Variants in POLI observed in about 807,000 individuals in gnomAD.
The protein encoded by POLI is DNA polymerase iota, also known as RAD30 homolog B.
POLI carries 58 observed loss-of-function variants against 51.6 expected under a neutral mutation model. That is an observed-to-expected ratio of 1.12 (90% CI 0.91 to 1.40). The LOEUF (loss-of-function observed/expected upper bound fraction) is 1.40, where lower values mean the gene tolerates loss of function less well. POLI is among the 40% of genes most tolerant of loss of function. The probability of loss-of-function intolerance (pLI) is 0.00; values close to 1 mark genes in which losing one functional copy is unlikely to be tolerated. For synonymous variants in POLI, 322 were observed against 299.7 expected, an observed-to-expected ratio of 1.07 and a Z score of -0.77; for missense variants, 921 against 871.3, an observed-to-expected ratio of 1.06 and a Z score of -0.72.
At chr18:54,306,351 G>C (rs2088585437) in intron 3 of POLI, among the ~76,000 whole-genome samples, 1 of 152,126 alleles carries the variant, frequency 6.6e-6, no homozygotes, top group Non-Finnish European at 1.5e-5. Flanking sequence ...TTTTGTCATT[G>C]GTTCTGTTTA....
At chr18:54,289,003 T>G (rs2144565490) in intron 8 of POLI, among the ~76,000 whole-genome samples, 1 of 152,282 alleles carries the variant, frequency 6.6e-6, no homozygotes, top group East Asian at 1.9e-4. Context: ...TCCTGTTTCT[T>G]TGCATGTTTT....
chr18:54,292,534 A>G (rs920610139), intron 9 of POLI, among the ~76,000 whole-genome samples: 4 of 152,142 alleles, frequency 2.6e-5, no homozygotes, highest in Non-Finnish European at 4.4e-5. Context: ...CAGTGTGGCA[A>G]TAGAAAGGCA....
chr18:54,290,564 G>A (rs573315905), intron 8 of POLI, among the ~76,000 whole-genome samples: 9 of 152,252 alleles, frequency 5.9e-5, no homozygotes, highest in South Asian at 2.1e-4. Flanking sequence ...CAATAGCAAA[G>A]ACTTGGAACC....
chr18:54,276,752 G>A (rs1033045192), intron 3 of POLI, among the ~76,000 whole-genome samples: 1 of 152,070 alleles, frequency 6.6e-6, no homozygotes, highest in Non-Finnish European at 1.5e-5. Context: ...ACCTTTATTG[G>A]TTTCCCCTCA....
In POLI at chr18:54,294,157, C is replaced by G. The variant is rs1331873030; in HGVS notation, c.1913C>G (p.Pro638Arg). The G allele has an allele frequency of 6.2e-7, 1 of 1,611,752 alleles. No homozygotes were observed. The highest frequency in any genetic ancestry group is 8.5e-7 in the Non-Finnish European group (1 of 1,178,136). Residue 638 changes from proline (P) to arginine (R), a missense_variant, in exon 10 of 10, where the codon CCT becomes CGT. Transcript: ENST00000579534. ...AAAGATGAACGAATAAGTCAAGGACCTAAAGAACCTCAAGGATTCCACTTT... is the reference window on the plus strand; with the variant it reads ...AAAGATGAACGAATAAGTCAAGGACGTAAAGAACCTCAAGGATTCCACTTT... ...RLKDERISQG[P>R]KEPQGFHFTN...
chr18:54,298,703 G>A (rs1023504966), downstream of POLI, among the ~76,000 whole-genome samples: 4 of 146,716 alleles, frequency 2.7e-5, no homozygotes, highest in Admixed American at 7.2e-5. Context: ...TGATTCTCCT[G>A]CCTCAGCCTC....
Position 54,296,233 on chromosome 18 carries a change from A to G in POLI, c.*1766A>G. On this transcript the variant is annotated 3_prime_UTR_variant, in exon 10 of 10. Coordinates refer to ENST00000579534, the MANE Select transcript of POLI (RefSeq NM_007195.3). ...ACAGCTAGAAGGGGCTTAAGAAAAAATGGCTAAGAAAACAAAGTAAATGGT... is the reference window on the plus strand; with the variant it reads ...ACAGCTAGAAGGGGCTTAAGAAAAAGTGGCTAAGAAAACAAAGTAAATGGT... The G allele has an allele frequency of 1.3e-5, 13 of 985,420 alleles. No homozygotes were observed. The highest frequency in any genetic ancestry group is 1.6e-5 in the Non-Finnish European group (13 of 829,900). The allele number at this position is 985,420 out of a possible 1,614,324, so 61.0% of individuals were successfully genotyped here.
chr18:54,270,851 A>C (rs956475935), intron 1 of POLI: 1 of 152,520 alleles, frequency 6.6e-6, no homozygotes, highest in Non-Finnish European at 1.5e-5. Context: ...GCGATTTAGC[A>C]TTAAACCAGA....
chr18:54,318,166 G>A (rs1169926164), intron 3 of POLI, among the ~76,000 whole-genome samples: 1 of 151,994 alleles, frequency 6.6e-6, no homozygotes, highest in Non-Finnish European at 1.5e-5. Flanking sequence ...AAACAAAGTT[G>A]TAATAAATAT....
intron 2 of POLI, among the ~76,000 whole-genome samples, chr18:54,273,442 C>CTTT (rs962087492): frequency 4.1e-5 from 6 of 146,710 alleles, no homozygotes; most frequent in Admixed American, 3.4e-4. Context: ...AATTAATCTG[C>CTTT]TTTTATATTG....
downstream of POLI, among the ~76,000 whole-genome samples, chr18:54,299,201 G>A (rs1014902376): frequency 7.2e-5 from 11 of 152,278 alleles, 1 homozygote; most frequent in South Asian, 6.2e-4. Flanking sequence ...TTGGGAGGCC[G>A]AGGCTGGTGG....
intron 8 of POLI, among the ~76,000 whole-genome samples, chr18:54,290,638 A>C (rs1398171155): frequency 6.6e-6 from 1 of 152,240 alleles, no homozygotes; most frequent in African/African-American, 2.4e-5. Context: ...ATCATGGAAT[A>C]CTATGCAGCC....
intron 8 of POLI, among the ~76,000 whole-genome samples, chr18:54,290,719 T>C (rs2087968074): frequency 6.6e-6 from 1 of 152,096 alleles, no homozygotes; most frequent in Admixed American, 6.5e-5. Flanking sequence ...CTCAGCAAAC[T>C]ATCACCAGGA....
intron 2 of POLI, among the ~76,000 whole-genome samples, chr18:54,273,371 C>G: frequency 7.0e-6 from 1 of 143,884 alleles, no homozygotes; most frequent in East Asian, 2.0e-4. Flanking sequence ...TAGTTGTACT[C>G]AATTATTTTC....
intron 7 of POLI, among the ~76,000 whole-genome samples, chr18:54,286,807 G>A (rs3730765): frequency 0.1 from 15,897 of 152,044 alleles, 927 homozygotes; most frequent in South Asian, 0.14. Context: ...AGCCAGGTGT[G>A]GTCACACATG....
At chr18:54,316,729 G>A (rs139059959) in intron 3 of POLI, among the ~76,000 whole-genome samples, 4 of 152,214 alleles carry the variant, frequency 2.6e-5, no homozygotes, top group Non-Finnish European at 5.9e-5. Context: ...GCTTTAAGAA[G>A]TTCTTATGAA....
intron 3 of POLI, among the ~76,000 whole-genome samples, chr18:54,309,459 GC>G (rs1375053041): frequency 6.6e-6 from 1 of 152,198 alleles, no homozygotes; most frequent in Non-Finnish European, 1.5e-5. Context: ...TCCTCTGGAA[GC>G]TTTGTCTCAG....
intron 3 of POLI, among the ~76,000 whole-genome samples, chr18:54,318,209 C>T (rs4257279): frequency 0.17 from 25,865 of 151,790 alleles, 2,394 homozygotes; most frequent in Middle Eastern, 0.26. Flanking sequence ...ATCTTTATAT[C>T]GTAGTTTATT....
chr18:54,318,636 A>T (rs2088761855), intron 3 of POLI, among the ~76,000 whole-genome samples: 1 of 152,084 alleles, frequency 6.6e-6, no homozygotes, highest in Non-Finnish European at 1.5e-5. Context: ...GATTTTTTTC[A>T]TTAAAAGTAT....
Sources: allele counts gnomAD v4.1 joint callset (sites outside exome capture counted in the v4.1 genomes callset), GRCh38; gene constraint gnomAD v4.1.1; transcripts MANE v1.5; gene names NCBI Gene and HGNC (gene_info 2026-07-23, HGNC 2026-07-21).